The following SLC38A1 variants were observed in gnomAD, a reference collection of about 807,000 sequenced individuals.
The protein encoded by SLC38A1 is sodium-coupled neutral amino acid symporter 1.
Under a neutral mutation model 60.3 loss-of-function variants are expected in SLC38A1, and 18 were observed. The ratio of observed to expected loss-of-function variants is 0.30; its 90% CI spans 0.21 to 0.44. The LOEUF is 0.44. SLC38A1 is among the 20% of genes least tolerant of loss of function. SLC38A1 has a pLI of 1.00. For missense variants in SLC38A1, 448 were observed against 587.2 expected (o/e 0.76, Z 2.45); for synonymous variants, 196 against 212.1 (o/e 0.92, Z 0.66).
chr12:46,225,155 G>C (rs907467270), intron 5 of SLC38A1, among the ~76,000 whole-genome samples: 5 of 152,130 alleles, frequency 3.3e-5, no homozygotes, highest in African/African-American at 1.2e-4. Flanking sequence ...CCATAAATCG[G>C]CAGTGGAAAA....
intron 3 of SLC38A1, among the ~76,000 whole-genome samples, chr12:46,232,079 A>G (rs1941097976): frequency 6.6e-6 from 1 of 152,252 alleles, no homozygotes. Flanking sequence ...TTCAAACAAA[A>G]TAACCAAAGT....
At chr12:46,194,720 G>A (rs1374400838) in intron 16 of SLC38A1, among the ~76,000 whole-genome samples, 2 of 152,060 alleles carry the variant, frequency 1.3e-5, no homozygotes, top group South Asian at 2.1e-4. Flanking sequence ...TGATCGAATC[G>A]GCTATTGAAG....
Position 46,253,130 on chromosome 12 carries a change from G to C in SLC38A1, c.-208-9816C>G, listed in dbSNP as rs1423221044. Among the ~76,000 whole-genome samples, 2 of 152,102 alleles carry C rather than the reference G, an allele frequency of 1.3e-5. 1 individual carries two copies. ...GATGTGTAGGATGAATAAGTCTAGG[G>C]AGCAAATGTACAACATGAGGACTGT... On this transcript the variant is annotated intron_variant, in intron 1 of 16. Transcript: ENST00000398637.
chr12:46,199,542 G>C (rs1939554514), intron 13 of SLC38A1, among the ~76,000 whole-genome samples: 2 of 148,352 alleles, frequency 1.3e-5, no homozygotes, highest in Non-Finnish European at 3.0e-5. Context: ...TTTTTTTGTA[G>C]AGATGGGGGT....
rs1277997375 is a variant in SLC38A1, at chr12:46,188,773, T to C, written c.*197A>G. 1.7e-5 allele frequency: 8 copies of C among 477,770 alleles called. No homozygotes were observed. Among genetic ancestry groups the C allele is most frequent in the African/African-American group, 7.7e-5 (4 of 51,864 alleles). 29.6% of individuals were successfully genotyped at this position (477,770 alleles called of 1,614,324 possible). ...AAAAAAAAATTTCACAATCCCTAAA[T>C]TGATCTCAAATCTTGGAGGGACATG... is the stretch of plus-strand genomic sequence containing the variant. On this transcript the variant is annotated 3_prime_UTR_variant, in exon 17 of 17. Coordinates refer to ENST00000398637, the MANE Select transcript of SLC38A1 (RefSeq NM_030674.4).
intron 8 of SLC38A1, among the ~76,000 whole-genome samples, chr12:46,206,832 C>T (rs1373400727): frequency 6.6e-6 from 1 of 152,136 alleles, no homozygotes; most frequent in Non-Finnish European, 1.5e-5. Context: ...ATTTTTGTTG[C>T]ACGTTCCACT....
intron 16 of SLC38A1, among the ~76,000 whole-genome samples, chr12:46,193,470 A>G (rs1021506943): frequency 2.0e-5 from 3 of 152,198 alleles, no homozygotes; most frequent in Non-Finnish European, 4.4e-5. Context: ...AGCTGAGTTC[A>G]AGTCCTGGAT....
chr12:46,217,737 G>A (rs1055990914), intron 5 of SLC38A1, among the ~76,000 whole-genome samples: 2 of 152,184 alleles, frequency 1.3e-5, no homozygotes, highest in Non-Finnish European at 2.9e-5. Context: ...AGGGTCAGAA[G>A]ACCAGCACAC....
chr12:46,225,402 T>C (rs1940823469), intron 5 of SLC38A1, among the ~76,000 whole-genome samples: 1 of 152,210 alleles, frequency 6.6e-6, no homozygotes, highest in Non-Finnish European at 1.5e-5. Flanking sequence ...TATATGTTTC[T>C]AGGTGAGAGA....
rs1939464015 is a variant in SLC38A1, at chr12:46,197,986, T to C, written c.1197A>G (p.Ile399Met). The C allele has an allele frequency of 1.2e-6, 2 of 1,613,892 alleles. No homozygotes were observed. Among genetic ancestry groups the C allele is most frequent in the Non-Finnish European group, 1.7e-6 (2 of 1,179,930 alleles). Residue 399 changes from isoleucine to methionine, a missense_variant, in exon 15 of 17, where the codon ATA becomes ATG. Ile to Met is a conservative substitution (Grantham distance 10). Transcript: ENST00000398637. ...NLCRHTVVTC[I>M]LLVVINLLVI... ...CCAACAAGTTGATAACAACCAAGAG[T>C]ATGCAGGTAACCACGGTATGACGAC...
chr12:46,229,789 C>T (rs1368210517), intron 3 of SLC38A1, 150 bp from the exon 4 acceptor site: 7 of 659,142 alleles, frequency 1.1e-5, no homozygotes, highest in Non-Finnish European at 1.8e-5. Flanking sequence ...CACCAACTCC[C>T]CCCACCTTTT....
intron 16 of SLC38A1, among the ~76,000 whole-genome samples, chr12:46,193,845 T>C (rs1052659658): frequency 9.2e-5 from 14 of 152,154 alleles, no homozygotes; most frequent in Non-Finnish European, 1.9e-4. Flanking sequence ...ATGAGATGGG[T>C]CTCCTCAATA....
At chr12:46,256,951 G>A (rs1408310372) in intron 1 of SLC38A1, among the ~76,000 whole-genome samples, 1 of 152,114 alleles carries the variant, frequency 6.6e-6, no homozygotes, top group Non-Finnish European at 1.5e-5. Context: ...GGGTAAGATG[G>A]TCACCCTGAG....
chr12:46,250,217 AC>A (rs1289155751), intron 1 of SLC38A1, among the ~76,000 whole-genome samples: 1 of 152,194 alleles, frequency 6.6e-6, no homozygotes, highest in Non-Finnish European at 1.5e-5. Context: ...CATCACATAA[AC>A]AGAACCAACC....
intron 1 of SLC38A1, among the ~76,000 whole-genome samples, chr12:46,245,928 T>C (rs1303170713): frequency 2.6e-5 from 4 of 152,230 alleles, no homozygotes; most frequent in Admixed American, 1.3e-4. Flanking sequence ...TTGGTGATTT[T>C]AGATTGTTTT....
chr12:46,191,102 T>C (rs1020578992), intron 16 of SLC38A1, among the ~76,000 whole-genome samples: 6 of 152,222 alleles, frequency 3.9e-5, no homozygotes, highest in African/African-American at 1.4e-4. Context: ...CTTGAGTTAA[T>C]TTTTGTATAT....
intron 5 of SLC38A1, among the ~76,000 whole-genome samples, chr12:46,222,367 T>C (rs1184378906): frequency 6.6e-6 from 1 of 152,156 alleles, no homozygotes; most frequent in East Asian, 1.9e-4. Context: ...TTCTCTTGTG[T>C]ACCCTCCCCA....
chr12:46,198,000 C>T lies in SLC38A1; in HGVS notation c.1183G>A (p.Val395Met), dbSNP rs114226133. Residue 395 changes from valine to methionine, a missense_variant, in exon 15 of 17, where the codon GTG becomes ATG. Transcript: ENST00000398637. ...KTKFNLCRHT[V>M]VTCILLVVIN... is the part of the protein sequence containing the mutation. ...ACAACCAAGAGTATGCAGGTAACCA[C>T]GGTATGACGACATAAATTAAACTTT... 1,845 of 1,613,830 alleles carry T rather than the reference C, an allele frequency of 1.1e-3. 21 individuals are homozygous for T. In the African/African-American group the frequency reaches 0.019, roughly 17 times the overall value.
intron 6 of SLC38A1, among the ~76,000 whole-genome samples, chr12:46,208,317 T>C (rs1940001599): frequency 6.6e-6 from 1 of 152,226 alleles, no homozygotes; most frequent in Admixed American, 6.5e-5. Flanking sequence ...TTTATATTTC[T>C]TTATAACTGT....
Sources: allele counts gnomAD v4.1 joint callset (sites outside exome capture counted in the v4.1 genomes callset), GRCh38; gene constraint gnomAD v4.1.1; transcripts MANE v1.5; gene names NCBI Gene and HGNC (gene_info 2026-07-23, HGNC 2026-07-21).